UNC93A: variants seen among roughly 807,000 people sequenced by gnomAD.
UNC93A encodes the protein N-acetylglucosamine transporter UNC93A.
In UNC93A, 43 loss-of-function variants were observed where a neutral mutation model predicts 47.5. That is an observed-to-expected ratio of 0.91 (90% confidence interval 0.71 to 1.17). The LOEUF is 1.17. Ranked by LOEUF, UNC93A falls within the 50% of genes most tolerant of loss-of-function variation. The pLI is 0.00. For missense variants in UNC93A, 605 were observed against 577.6 expected, an observed-to-expected ratio of 1.05 and a Z score of -0.49; for synonymous variants, 280 against 258.0, an observed-to-expected ratio of 1.09 and a Z score of -0.82.
Position 167,305,911 on chromosome 6 carries a change from C to T in UNC93A, c.841-4C>T. ...ATGACGTGGCTCTGCACCCCTCTCCCCAGTCCTATGTCACCTGCACCCTGG... is the reference window on the plus strand; with the variant it reads ...ATGACGTGGCTCTGCACCCCTCTCCTCAGTCCTATGTCACCTGCACCCTGG... On this transcript the variant is annotated splice_region_variant and splice_polypyrimidine_tract_variant and intron_variant, in intron 5 of 7. Coordinates refer to ENST00000230256, the MANE Select transcript of UNC93A (RefSeq NM_018974.4). The T allele has an allele frequency of 6.2e-7, 1 of 1,614,166 alleles. No individual in the cohort carries two copies. The highest frequency in any genetic ancestry group is 8.5e-7 in the Non-Finnish European group (1 of 1,180,020).
chr6:167,308,035 G>A, intron 7 of UNC93A, 125 bp downstream of exon 7: 4 of 1,299,380 alleles, frequency 3.1e-6, no homozygotes, highest in Non-Finnish European at 4.1e-6. Context: ...AGAGACGGGA[G>A]GGCCAAGAGG....
At chr6:167,299,894 T>C (rs1382458646) in intron 4 of UNC93A, among the ~76,000 whole-genome samples, 2 of 152,146 alleles carry the variant, frequency 1.3e-5, no homozygotes, top group African/African-American at 2.4e-5. Context: ...AGACTTGCCT[T>C]CTTGACAGAC....
At chr6:167,287,073 C>A (rs1422316035), upstream of UNC93A, among the ~76,000 whole-genome samples, 1 of 151,910 alleles carries the variant, frequency 6.6e-6, no homozygotes, top group Non-Finnish European at 1.5e-5. Context: ...TGGCTCTCGG[C>A]TGTACAATCA....
Position 167,307,802 on chromosome 6 carries a change from A to C in UNC93A, c.1000A>C (p.Met334Leu). 1.2e-6 allele frequency: 2 copies of C among 1,605,826 alleles called. No individual in the cohort carries two copies. Among genetic ancestry groups the C allele is most frequent in the South Asian group, 2.2e-5 (2 of 90,654 alleles). ...AGGCGCGGTGACCCACGTGTCCTGC[A>C]TGATTGCCCTACTGCTGTGGAGACC... Reference protein sequence around the residue: ...VLGAVTHVSCMIALLLWRPRA... With the variant: ...VLGAVTHVSCLIALLLWRPRA... Residue 334 changes from methionine (M) to leucine (L), a missense_variant, in exon 7 of 8, where the codon ATG (methionine) becomes CTG (leucine). Physicochemically the swap from Met to Leu is conservative, Grantham distance 15. Coordinates refer to ENST00000230256, the MANE Select transcript of UNC93A (RefSeq NM_018974.4).
intron 5 of UNC93A, among the ~76,000 whole-genome samples, chr6:167,305,558 G>GTT (rs371486579): frequency 6.7e-6 from 1 of 149,674 alleles, no homozygotes; most frequent in Non-Finnish European, 1.5e-5. Context: ...TTCTCTCTCT[G>GTT]TTTTTTTTTT....
intron 1 of UNC93A, 56 bp downstream of exon 1, chr6:167,291,632 T>C (rs1409370070): frequency 6.6e-7 from 1 of 1,506,100 alleles, no homozygotes; most frequent in Non-Finnish European, 9.1e-7. Context: ...AGAATCCCTG[T>C]GGTCACAGAC....
intron 1 of UNC93A, among the ~76,000 whole-genome samples, chr6:167,281,826 G>A (rs1783639432): frequency 6.6e-6 from 1 of 152,210 alleles, no homozygotes; most frequent in Non-Finnish European, 1.5e-5. Flanking sequence ...TGCAGGTGGA[G>A]CTTGGCCTGT....
chr6:167,288,440 G>A (rs1417175026), upstream of UNC93A, among the ~76,000 whole-genome samples: 3 of 126,552 alleles, frequency 2.4e-5, no homozygotes, highest in African/African-American at 6.5e-5. Context: ...AGCACAAATT[G>A]TTCTTCCTTA....
At chr6:167,285,624 C>A (rs1046788204) in intron 1 of UNC93A, among the ~76,000 whole-genome samples, 1 of 151,490 alleles carries the variant, frequency 6.6e-6, no homozygotes, top group Non-Finnish European at 1.5e-5. Context: ...CAGGTGACGG[C>A]ATCTGGTACC....
intron 4 of UNC93A, among the ~76,000 whole-genome samples, chr6:167,298,885 G>A (rs1042836307): frequency 2.0e-5 from 3 of 151,602 alleles, no homozygotes; most frequent in Admixed American, 6.6e-5. Context: ...AGGCTGAGGC[G>A]GGCAGATCAC....
intron 4 of UNC93A, among the ~76,000 whole-genome samples, chr6:167,302,427 G>A (rs1210766957): frequency 6.6e-6 from 1 of 152,112 alleles, no homozygotes; most frequent in Non-Finnish European, 1.5e-5. Flanking sequence ...AGAGAGAAGG[G>A]AAGGATCGCC....
At chr6:167,294,825 C>T (rs1368860219) in intron 2 of UNC93A, 127 bp downstream of exon 2, 1 of 1,063,870 alleles carries the variant, frequency 9.4e-7, no homozygotes, top group Non-Finnish European at 1.3e-6. Flanking sequence ...ATGAGCTCTC[C>T]TGCCCCTGCA....
intron 1 of UNC93A, among the ~76,000 whole-genome samples, chr6:167,282,753 GTGGTTGGGCTAC>G (rs1381598560): frequency 6.6e-6 from 1 of 152,182 alleles, no homozygotes; most frequent in Non-Finnish European, 1.5e-5. Flanking sequence ...TGTGCCCAAG[GTGGTTGGGCTAC>G]TGCTTGGTTT....
intron 1 of UNC93A, among the ~76,000 whole-genome samples, chr6:167,284,404 A>G (rs1338076757): frequency 6.6e-6 from 1 of 152,222 alleles, no homozygotes; most frequent in Non-Finnish European, 1.5e-5. Context: ...CCTACAAAAT[A>G]AGAGACACAG....
intron 1 of UNC93A, among the ~76,000 whole-genome samples, chr6:167,277,621 C>G (rs1783564964): frequency 6.6e-6 from 1 of 152,016 alleles, no homozygotes; most frequent in African/African-American, 2.4e-5. Context: ...CTGTCTCTCT[C>G]TCTCTGACTT....
At chr6:167,275,782 C>A (rs73257116) in intron 1 of UNC93A, among the ~76,000 whole-genome samples, 9,969 of 152,230 alleles carry the variant, frequency 0.065, 635 homozygotes, top group African/African-American at 0.17. Flanking sequence ...GTGCTCCTCA[C>A]GGGTTGTATG....
At chr6:167,275,274 C>T (rs753470613) in intron 1 of UNC93A, among the ~76,000 whole-genome samples, 1 of 152,204 alleles carries the variant, frequency 6.6e-6, no homozygotes, top group African/African-American at 2.4e-5. Context: ...GCAGGATGGC[C>T]GCTGGCCCAC....
At chr6:167,293,010 C>G (rs1356045954) in intron 1 of UNC93A, among the ~76,000 whole-genome samples, 1 of 152,166 alleles carries the variant, frequency 6.6e-6, no homozygotes, top group African/African-American at 2.4e-5. Flanking sequence ...GACTTGGAAG[C>G]CAGAGGAAGG....
chr6:167,294,319 A>G (rs1455597495), intron 1 of UNC93A, among the ~76,000 whole-genome samples, 198 bp from the exon 2 acceptor site: 1 of 152,112 alleles, frequency 6.6e-6, no homozygotes, highest in Non-Finnish European at 1.5e-5. Flanking sequence ...ATGTTTAGAC[A>G]CACTAACTGC....
Sources: gnomAD v4.1 joint callset for allele counts (sites outside exome capture counted in the v4.1 genomes callset) on GRCh38, gnomAD v4.1.1 for gene constraint, MANE v1.5 for transcripts, NCBI Gene and HGNC (gene_info 2026-07-23, HGNC 2026-07-21) for gene names.